The following ENTPD8 variants were observed in gnomAD, a reference collection of about 807,000 sequenced individuals.
ENTPD8 encodes E-NTPDase 8.
A neutral mutation model predicts 47.0 loss-of-function variants in ENTPD8; 35 were observed. The ratio of observed to expected loss-of-function variants is 0.75; its 90% CI spans 0.57 to 0.99. ENTPD8 has a LOEUF of 0.99. Ranked by LOEUF, ENTPD8 falls within the 50% of genes least tolerant of loss-of-function variation. ENTPD8 has a pLI of 0.00. For missense variants in ENTPD8, 668 were observed against 649.9 expected (o/e 1.03, Z -0.30); for synonymous variants, 308 against 290.5 (o/e 1.06, Z -0.61).
chr9:137,436,036 G>T lies in ENTPD8; in HGVS notation c.1027C>A (p.Pro343Thr). ...EDCAFDGVYQ[P>T]PLRGQFYAFS... ...ACATAGAACTGGCCCCGCAGCGGGG[G>T]CTGGTAGACCCCGTCAAAGGCGCAG... The change falls in exon 7 of 10, where the codon CCC (proline) becomes ACC (threonine). Residue 343 changes from proline (P) to threonine (T), a missense_variant. Transcript: ENST00000371506. The T allele has an allele frequency of 1.2e-6, 2 of 1,612,854 alleles. No homozygotes were observed.
chr9:137,436,887 G>A lies in ENTPD8; in HGVS notation c.537C>T (p.Gly179=). Residue 179 remains glycine (G), a synonymous_variant, in exon 5 of 10, where the codon GGC becomes GGT. Coordinates refer to ENST00000371506, the MANE Select transcript of ENTPD8 (RefSeq NM_001033113.2). ...GAFGWITVNY[G]LGTLVKYSFT... ...GTGGCACCTTGACCAGCGTCCCCAAGCCGTAGTTGACAGTGATCCAACCAA... is the reference window on the plus strand; with the variant it reads ...GTGGCACCTTGACCAGCGTCCCCAAACCGTAGTTGACAGTGATCCAACCAA... 1 of 1,612,876 alleles carries A rather than the reference G, an allele frequency of 6.2e-7. No individual in the cohort carries two copies.
chr9:137,436,106 G>C lies in ENTPD8; in HGVS notation c.957C>G (p.Ala319=), dbSNP rs138326341. 2.2e-5 allele frequency: 35 copies of C among 1,613,040 alleles called. 1 individual carries two copies. In the African/African-American group the frequency reaches 4.0e-4, roughly 18 times the overall value. ...TGGAGAAGTTGAAAAGTTCCCGGAT[G>C]GCTGAGACGCAGGCTCCAGGGTTGC... ...GTGNPGACVS[A]IRELFNFSSC... is the part of the protein sequence containing the mutation. The change falls in exon 7 of 10, where the codon GCC becomes GCG. Residue 319 remains alanine, a synonymous_variant. Coordinates refer to ENST00000371506, the MANE Select transcript of ENTPD8 (RefSeq NM_001033113.2).
In ENTPD8 at chr9:137,434,706, G is replaced by T; in HGVS notation, c.*208C>A. The T allele has an allele frequency of 1.5e-6, 1 of 681,724 alleles. No individual in the cohort carries two copies. The highest frequency in any genetic ancestry group is 2.4e-6 in the Non-Finnish European group (1 of 420,534). The allele number at this position is 681,724 out of a possible 1,614,324, so 42.2% of individuals were successfully genotyped here. A position where few individuals can be genotyped will look rare whatever the true frequency, so the allele number is the denominator to read the frequency against. ...CCTACGGCCCTGGAAGCCCAGTTGC[G>T]GAAGGAGGTTGGGGGAGGGACGCCG... On this transcript the variant is annotated 3_prime_UTR_variant, in exon 10 of 10. Transcript: ENST00000371506.
rs1839280186 is a variant in ENTPD8, at chr9:137,434,518, G to A, written c.*396C>T. ...GCAGGGAGAGCGGGGGTCCAGGTGG[G>A]GCAGCTCCCTCCCTTCCACCCCTCT... On this transcript the variant is annotated 3_prime_UTR_variant, in exon 10 of 10. Transcript: ENST00000371506. The A allele has an allele frequency of 2.3e-6, 2 of 866,006 alleles. No individual in the cohort carries two copies. Among genetic ancestry groups the A allele is most frequent in the East Asian group, 2.6e-5 (1 of 38,042 alleles). 53.6% of individuals were successfully genotyped at this position (866,006 alleles called of 1,614,324 possible). A position where few individuals can be genotyped will look rare whatever the true frequency, so the allele number is the denominator to read the frequency against.
At chr9:137,439,580 G>A (rs1383745217) in intron 1 of ENTPD8, among the ~76,000 whole-genome samples, 1 of 152,106 alleles carries the variant, frequency 6.6e-6, no homozygotes, top group African/African-American at 2.4e-5. Context: ...GGGGATATAA[G>A]CCCATTTTAA....
intron 1 of ENTPD8, among the ~76,000 whole-genome samples, chr9:137,440,083 CCCCCCAGACCAGGACAG>C (rs1839480965): frequency 2.7e-5 from 1 of 37,102 alleles, no homozygotes; most frequent in Non-Finnish European, 5.5e-5. Context: ...CCAGGACAGC[CCCCCCAGACCAGGACAG>C]CCCCCCAGAC....
rs1308444936 is a variant in ENTPD8, at chr9:137,436,328, C to CG, written c.787-53_787-52insC. On this transcript the variant is annotated intron_variant, in intron 6 of 9. Coordinates refer to ENST00000371506, the MANE Select transcript of ENTPD8 (RefSeq NM_001033113.2). ...CCAGCCGCACACCTGCGGCCCTGTG[C>CG]CCCTCCCCGGGGCCGGATGACCCAC... The CG allele has an allele frequency of 2.0e-6, 3 of 1,489,162 alleles. No homozygotes were observed. The African/African-American group carries it at 4.3e-5, about 22-fold the overall frequency. 92.2% of individuals were successfully genotyped at this position (1,489,162 alleles called of 1,614,324 possible).
rs377402571 is a variant in ENTPD8 at position 137,434,869 on chromosome 9, C to T, written c.*45G>A. ...CTCAGGAAGCCTCCAGCATCCGGGA[C>T]GCAGCTGCCTGTGGGCTCTGTGGGG... On this transcript the variant is annotated 3_prime_UTR_variant, in exon 10 of 10. Coordinates refer to ENST00000371506, the MANE Select transcript of ENTPD8 (RefSeq NM_001033113.2). The T allele has an allele frequency of 2.8e-5, 43 of 1,536,184 alleles. No homozygotes were observed. In the East Asian group the frequency reaches 3.3e-4, roughly 12 times the overall value.
In ENTPD8 at chr9:137,435,090, T is replaced by G. The variant is rs1272312200; in HGVS notation, c.1312A>C (p.Ile438Leu). ...EFRKQAGGVD[I>L]GWTLGYMLNL... ...AGCATGTAGCCCAGTGTCCAGCCAA[T>G]GTCCACACCGCCCGCCTGCGGGACA... is the stretch of plus-strand genomic sequence containing the variant. The change falls in exon 10 of 10, where the codon ATT (isoleucine) becomes CTT (leucine). Residue 438 changes from isoleucine (I) to leucine (L), a missense_variant. Ile to Leu is a conservative substitution (Grantham distance 5, BLOSUM62 2). Transcript: ENST00000371506. 6.2e-7 allele frequency: 1 copy of G among 1,610,480 alleles called. No homozygotes were observed. Among genetic ancestry groups the G allele is most frequent in the Admixed American group, 1.7e-5 (1 of 59,898 alleles).
Position 137,436,032 on chromosome 9 carries a change from G to A in ENTPD8, c.1031C>T (p.Pro344Leu), listed in dbSNP as rs769414338. 14 of 1,612,682 alleles carry A rather than the reference G, an allele frequency of 8.7e-6. No homozygotes were observed. The highest frequency in any genetic ancestry group is 1.2e-5 in the Non-Finnish European group (14 of 1,179,962). The part of the protein sequence containing the change: ...DCAFDGVYQP[P>L]LRGQFYAFSN... ...GCTCACATAGAACTGGCCCCGCAGCGGGGGCTGGTAGACCCCGTCAAAGGC... is the reference window on the plus strand; with the variant it reads ...GCTCACATAGAACTGGCCCCGCAGCAGGGGCTGGTAGACCCCGTCAAAGGC... Residue 344 changes from proline (P) to leucine (L), a missense_variant, in exon 7 of 10, where the codon CCG (proline) becomes CTG (leucine). Transcript: ENST00000371506.
intron 6 of ENTPD8, 41 bp downstream of exon 6, chr9:137,436,480 T>TGTTCCCACAGCCCC (rs1439225433): frequency 1.3e-6 from 2 of 1,554,434 alleles, no homozygotes; most frequent in African/African-American, 2.8e-5. Flanking sequence ...CCCATAGCCC[T>TGTTCCCACAGCCCC]GTTCCCACAG....
In ENTPD8 at chr9:137,436,282, G is replaced by A. The variant is rs1415481609; in HGVS notation, c.787-6C>T. 6.4e-7 allele frequency: 1 copy of A among 1,566,590 alleles called. No individual in the cohort carries two copies. Among genetic ancestry groups the A allele is most frequent in the South Asian group, 1.2e-5 (1 of 84,814 alleles). Reference sequence around the variant, plus strand: ...AGCAGGGCAGCCGGGCGGCTCTGCAGAGGGCAGGGAGGCCTGAGCACCAGC... The same window carrying A: ...AGCAGGGCAGCCGGGCGGCTCTGCAAAGGGCAGGGAGGCCTGAGCACCAGC... On this transcript the variant is annotated splice_polypyrimidine_tract_variant and splice_region_variant and intron_variant, in intron 6 of 9. Coordinates refer to ENST00000371506, the MANE Select transcript of ENTPD8 (RefSeq NM_001033113.2).
At position 137,436,561 on chromosome 9, in the gene ENTPD8, C is replaced by T. The variant is rs200590146; in HGVS notation, c.746G>A (p.Arg249Gln). 2.7e-5 allele frequency: 43 copies of T among 1,611,702 alleles called. No homozygotes were observed. The East Asian group carries it at 3.1e-4, about 12-fold the overall frequency. The change falls in exon 6 of 10, where the codon CGG (arginine) becomes CAG (glutamine). Residue 249 changes from arginine to glutamine, a missense_variant. Transcript: ENST00000371506. ...GAGGAGCCTGCTCAGCATCTGGTCC[C>T]GTCCAAAGCACAGGTAGCTGTGAGT... ...VYTHSYLCFG[R>Q]DQMLSRLLVG...
rs1041102321 is a variant in ENTPD8 at position 137,434,659 on chromosome 9, G to A, written c.*255C>T. 1.0e-5 allele frequency: 6 copies of A among 601,222 alleles called. No individual in the cohort carries two copies. The highest frequency in any genetic ancestry group is 7.5e-5 in the African/African-American group (4 of 53,542). 37.2% of individuals were successfully genotyped at this position (601,222 alleles called of 1,614,324 possible). ...CAGCCTGGAGACACCACGAGTCCTG[G>A]CGGCCTGTGTGCAGAAAGGCACCTA... On this transcript the variant is annotated 3_prime_UTR_variant, in exon 10 of 10. Transcript: ENST00000371506.
Position 137,436,139 on chromosome 9 carries a change from T to G in ENTPD8, c.924A>C (p.Glu308Asp). 3 of 1,612,962 alleles carry G rather than the reference T, an allele frequency of 1.9e-6. No homozygotes were observed. The highest frequency in any genetic ancestry group is 2.5e-6 in the Non-Finnish European group (3 of 1,179,950). ...CGCAGGCTCCAGGGTTGCCTGTCCC[T>G]TCAACTGTGAGGTTCTGGGGGAGGC... is the stretch of plus-strand genomic sequence containing the variant. ...PLSLPQNLTVEGTGNPGACVS... is the reference protein window; with the variant it reads ...PLSLPQNLTVDGTGNPGACVS... The change falls in exon 7 of 10, where the codon GAA becomes GAC. Residue 308 changes from glutamate (E) to aspartate (D), a missense_variant. Glu to Asp is a conservative substitution (Grantham distance 45). Transcript: ENST00000371506.
chr9:137,434,727 C>A lies in ENTPD8; in HGVS notation c.*187G>T. On this transcript the variant is annotated 3_prime_UTR_variant, in exon 10 of 10. Coordinates refer to ENST00000371506, the MANE Select transcript of ENTPD8 (RefSeq NM_001033113.2). ...TTGCGGAAGGAGGTTGGGGGAGGGA[C>A]GCCGGGAGGGGAGGTCATGCAGCCT... The A allele has an allele frequency of 6.5e-6, 5 of 768,386 alleles. No individual in the cohort carries two copies. Among genetic ancestry groups the A allele is most frequent in the Non-Finnish European group, 8.0e-6 (4 of 499,506 alleles). The allele number at this position is 768,386 out of a possible 1,614,324, so 47.6% of individuals were successfully genotyped here.
chr9:137,436,646 TG>T lies in ENTPD8; in HGVS notation c.660del (p.Ile221SerfsTer33). 1 of 1,602,846 alleles carries T rather than the reference TG, an allele frequency of 6.2e-7. No individual in the cohort carries two copies. Among genetic ancestry groups the T allele is most frequent in the Non-Finnish European group, 8.5e-7 (1 of 1,175,688 alleles). On this transcript the variant is annotated frameshift_variant, in exon 6 of 10. Coordinates refer to ENST00000371506, the MANE Select transcript of ENTPD8 (RefSeq NM_001033113.2). LOFTEE classifies it high-confidence loss of function. ...TCGGCCTGGGTGCTCTTGTCCAAGA[TG>T]GGGCCCCCAGGCACGAACGTGATCT... ...STQITFVPGG[P>X]ILDKSTQADF...
At position 137,438,733 on chromosome 9, in the gene ENTPD8, A is replaced by G. The variant is rs941333647; in HGVS notation, c.-20-428T>C. On this transcript the variant is annotated intron_variant, in intron 1 of 9. Coordinates refer to ENST00000371506, the MANE Select transcript of ENTPD8 (RefSeq NM_001033113.2). The surrounding 1 kb of genome is among the most constrained non-coding windows in gnomAD (Gnocchi z 5.7). ...AGGAGCCACGCCTGCCAGGGGTGCC[A>G]TGGGCATCAGAGGGCCCTGTGGGAG... 4.6e-5 allele frequency among the ~76,000 whole-genome samples: 7 copies of G among 152,182 alleles called. No individual in the cohort carries two copies. Among genetic ancestry groups the G allele is most frequent in the African/African-American group, 1.7e-4 (7 of 41,538 alleles).
chr9:137,439,219 C>T (rs1839450794), intron 1 of ENTPD8, among the ~76,000 whole-genome samples: 1 of 152,170 alleles, frequency 6.6e-6, no homozygotes, highest in Non-Finnish European at 1.5e-5. Flanking sequence ...CCAGGGATGC[C>T]ATCTGAGGGG....
Sources: allele counts gnomAD v4.1 joint callset (sites outside exome capture counted in the v4.1 genomes callset), GRCh38; gene constraint gnomAD v4.1.1; non-coding constraint Gnocchi (gnomAD v3.1); transcripts MANE v1.5; gene names NCBI Gene and HGNC (gene_info 2026-07-23, HGNC 2026-07-21).